CTNNA2: variants seen among roughly 807,000 people sequenced by gnomAD.
CTNNA2 encodes the protein catenin alpha 2, also known as catenin alpha-2.
In CTNNA2, 42 loss-of-function variants were observed where a neutral mutation model predicts 101.0. That is an observed-to-expected ratio of 0.42 (90% CI 0.32 to 0.54). The LOEUF (loss-of-function observed/expected upper bound fraction) is 0.54, where lower values mean the gene tolerates loss of function less well. Ranked by LOEUF, CTNNA2 falls within the 20% of genes least tolerant of loss-of-function variation. CTNNA2 has a pLI of 0.14. For missense variants in CTNNA2, 871 were observed against 1,223.1 expected (o/e 0.71, Z 4.29); for synonymous variants, 450 against 456.4 (o/e 0.99, Z 0.18).
intron 4 of CTNNA2, among the ~76,000 whole-genome samples, chr2:79,456,291 C>T (rs554322004): frequency 2.6e-5 from 4 of 151,850 alleles, no homozygotes; most frequent in African/African-American, 9.6e-5. Flanking sequence ...TCCTACAATG[C>T]TAAAAATGTT....
At chr2:79,574,249 A>G (rs1244193365) in intron 1 of CTNNA2, 2 of 152,142 alleles carry the variant, frequency 1.3e-5, no homozygotes, top group Admixed American at 6.5e-5. Context: ...TCAGGGATAC[A>G]TGTGCAGGTT....
At chr2:79,627,082 G>T (rs958545303) in intron 1 of CTNNA2, among the ~76,000 whole-genome samples, 1 of 152,264 alleles carries the variant, frequency 6.6e-6, no homozygotes, top group Admixed American at 6.5e-5. Context: ...GAAGCCAAAA[G>T]CTTTATGGGC....
At chr2:80,310,723 G>A (rs1387557698) in intron 7 of CTNNA2, among the ~76,000 whole-genome samples, 1 of 152,130 alleles carries the variant, frequency 6.6e-6, no homozygotes, top group Non-Finnish European at 1.5e-5. Context: ...TATAAAAAAT[G>A]TACTTTGGGA....
intron 7 of CTNNA2, among the ~76,000 whole-genome samples, chr2:80,318,315 CTG>C (rs1176758586): frequency 6.6e-6 from 1 of 152,088 alleles, no homozygotes; most frequent in Non-Finnish European, 1.5e-5. Context: ...TTAAATTGCT[CTG>C]TGTTTGTTTC....
At position 79,668,880 on chromosome 2, in the gene CTNNA2, A is replaced by G. The variant is rs146400757; in HGVS notation, c.102+17222A>G. ...TGATCATTTAAACCAAAAGTTTCCA[A>G]TCAAACAGAGGAACACATTCCTTAT... On this transcript the variant is annotated intron_variant, in intron 2 of 18. Coordinates refer to ENST00000402739, the MANE Select transcript of CTNNA2 (RefSeq NM_001282597.3). 9.2e-5 allele frequency among the ~76,000 whole-genome samples: 14 copies of G among 152,312 alleles called. No homozygotes were observed. The East Asian group carries it at 1.9e-3, about 21-fold the overall frequency.
At chr2:80,178,570 C>T (rs1490025746) in intron 7 of CTNNA2, among the ~76,000 whole-genome samples, 1 of 152,170 alleles carries the variant, frequency 6.6e-6, no homozygotes, top group Non-Finnish European at 1.5e-5. Context: ...GCTCAAGTGG[C>T]AGAGCAGCTT....
intron 3 of CTNNA2, among the ~76,000 whole-genome samples, chr2:79,769,368 T>C (rs1341181311): frequency 1.3e-5 from 2 of 152,314 alleles, no homozygotes; most frequent in Admixed American, 1.3e-4. Context: ...TCAAGGAGAC[T>C]GAAGTGTTAA....
At chr2:79,700,385 G>C (rs1051671224) in intron 2 of CTNNA2, among the ~76,000 whole-genome samples, 3 of 152,118 alleles carry the variant, frequency 2.0e-5, no homozygotes, top group African/African-American at 4.8e-5. Flanking sequence ...TCAAGAGAGA[G>C]AGACAGATGG....
chr2:79,937,939 T>C (rs996098272), intron 7 of CTNNA2, among the ~76,000 whole-genome samples: 2 of 152,228 alleles, frequency 1.3e-5, no homozygotes, highest in Non-Finnish European at 2.9e-5. Context: ...ATTCATTCTA[T>C]TGACCTTTTA....
At chr2:80,354,568 A>G (rs1260333449) in intron 7 of CTNNA2, among the ~76,000 whole-genome samples, 1 of 152,172 alleles carries the variant, frequency 6.6e-6, no homozygotes, top group African/African-American at 2.4e-5. Context: ...GGATTGTGAA[A>G]GCAAATGGGA....
intron 7 of CTNNA2, among the ~76,000 whole-genome samples, chr2:79,951,405 G>A (rs1303846449): frequency 1.3e-5 from 2 of 152,104 alleles, no homozygotes; most frequent in Non-Finnish European, 2.9e-5. Flanking sequence ...GGTGACTCAC[G>A]GCTGTAATGC....
chr2:80,176,092 A>C (rs918257456), intron 7 of CTNNA2, among the ~76,000 whole-genome samples: 3 of 152,220 alleles, frequency 2.0e-5, no homozygotes, highest in Non-Finnish European at 4.4e-5. Context: ...ATCCAGGAAC[A>C]ATACTTTGCA....
chr2:80,486,413 A>G (rs1320948468), intron 9 of CTNNA2, among the ~76,000 whole-genome samples: 1 of 152,188 alleles, frequency 6.6e-6, no homozygotes, highest in Non-Finnish European at 1.5e-5. Context: ...GTAAATAGAA[A>G]CCATAATAAC....
intron 1 of CTNNA2, among the ~76,000 whole-genome samples, chr2:79,185,693 A>G (rs746420626): frequency 6.6e-6 from 1 of 152,232 alleles, no homozygotes; most frequent in Non-Finnish European, 1.5e-5. Flanking sequence ...GAGAATGCTT[A>G]TAATGACACA....
At chr2:80,464,282 A>G (rs1054036235) in intron 9 of CTNNA2, among the ~76,000 whole-genome samples, 1 of 152,202 alleles carries the variant, frequency 6.6e-6, no homozygotes, top group Non-Finnish European at 1.5e-5. Flanking sequence ...TGTTAATTCC[A>G]AATAATTTAC....
chr2:79,369,317 G>T (rs1252989605), intron 3 of CTNNA2, among the ~76,000 whole-genome samples: 1 of 152,122 alleles, frequency 6.6e-6, no homozygotes, highest in East Asian at 1.9e-4. Context: ...GGCTCTTTAT[G>T]TTCCTCAAGA....
intron 9 of CTNNA2, among the ~76,000 whole-genome samples, chr2:80,512,782 T>C (rs2149555321): frequency 6.6e-6 from 1 of 152,272 alleles, no homozygotes; most frequent in Non-Finnish European, 1.5e-5. Context: ...AGGAGTCTTT[T>C]TAAAACATTC....
intron 7 of CTNNA2, among the ~76,000 whole-genome samples, chr2:79,932,989 G>C (rs991826256): frequency 2.0e-5 from 3 of 152,146 alleles, no homozygotes; most frequent in Admixed American, 2.0e-4. Flanking sequence ...TTGTCTGTAC[G>C]TACGTCATTT....
chr2:79,206,193 C>T (rs1674097325), intron 2 of CTNNA2, among the ~76,000 whole-genome samples: 1 of 151,700 alleles, frequency 6.6e-6, no homozygotes, highest in Non-Finnish European at 1.5e-5. Context: ...CCAGAAAGTG[C>T]CTAGATCTGT....
Sources: allele counts gnomAD v4.1 joint callset (sites outside exome capture counted in the v4.1 genomes callset), GRCh38; gene constraint gnomAD v4.1.1; transcripts MANE v1.5; gene names NCBI Gene and HGNC (gene_info 2026-07-23, HGNC 2026-07-21).